The following MCPH1 variants were observed in gnomAD, a reference collection of about 807,000 sequenced individuals.
MCPH1 encodes the protein microcephalin.
In MCPH1, 104 loss-of-function variants were observed where a neutral mutation model predicts 84.5. The ratio of observed to expected loss-of-function variants is 1.23; its 90% confidence interval spans 1.05 to 1.45. The LOEUF (loss-of-function observed/expected upper bound fraction) is 1.45, where lower values mean the gene tolerates loss of function less well. Ranked by LOEUF, MCPH1 falls within the 40% of genes most tolerant of loss-of-function variation. The pLI is 0.00. For synonymous variants in MCPH1, 514 were observed against 366.8 expected, an observed-to-expected ratio of 1.40 and a Z score of -4.58; for missense variants, 1,498 against 1,005.7, an observed-to-expected ratio of 1.49 and a Z score of -6.62.
intron 9 of MCPH1, among the ~76,000 whole-genome samples, chr8:6,460,501 C>G (rs945242659): frequency 8.5e-5 from 13 of 152,080 alleles, no homozygotes; most frequent in Non-Finnish European, 1.3e-4. Context: ...CAGGCGGGAG[C>G]CTTCATGCCC....
intron 12 of MCPH1, chr8:6,513,797 A>G: frequency 6.2e-7 from 1 of 1,614,024 alleles, no homozygotes; most frequent in Non-Finnish European, 8.5e-7. Flanking sequence ...TCAGTTGCGA[A>G]ACAAACTCAT....
At chr8:6,507,087 G>A (rs1813892790) in intron 12 of MCPH1, among the ~76,000 whole-genome samples, 2 of 151,966 alleles carry the variant, frequency 1.3e-5, no homozygotes, top group Admixed American at 6.6e-5. Context: ...TAGTAGAGAT[G>A]GGGTTTTGCC....
chr8:6,522,291 C>T (rs1479073202), intron 12 of MCPH1, among the ~76,000 whole-genome samples: 1 of 151,398 alleles, frequency 6.6e-6, no homozygotes, highest in Admixed American at 6.6e-5. Flanking sequence ...GGAGGCGGAG[C>T]TTGCAGTGAG....
intron 2 of MCPH1, among the ~76,000 whole-genome samples, chr8:6,410,135 A>G (rs935869564): frequency 1.3e-5 from 2 of 151,612 alleles, no homozygotes; most frequent in African/African-American, 4.8e-5. Context: ...ATGCCTAGCT[A>G]ATTTTTTTTT....
chr8:6,421,608 T>G (rs983463006), intron 3 of MCPH1, among the ~76,000 whole-genome samples: 18 of 152,224 alleles, frequency 1.2e-4, no homozygotes, highest in Non-Finnish European at 2.6e-4. Flanking sequence ...TCAATTTTAG[T>G]ATCCATAAAT....
intron 9 of MCPH1, chr8:6,473,771 C>A (rs1699505773): frequency 1.1e-6 from 1 of 885,144 alleles, no homozygotes; most frequent in Non-Finnish European, 1.6e-6. Context: ...GTTCCTGATA[C>A]TTAAACAATT....
intron 2 of MCPH1, among the ~76,000 whole-genome samples, chr8:6,413,230 A>G (rs550788170): frequency 6.8e-6 from 1 of 147,608 alleles, no homozygotes; most frequent in African/African-American, 2.5e-5. Flanking sequence ...TGTTTTCTCA[A>G]TTCCAGACTG....
chr8:6,456,060 A>G (rs934208865), intron 9 of MCPH1, among the ~76,000 whole-genome samples: 2 of 152,310 alleles, frequency 1.3e-5, no homozygotes, highest in African/African-American at 2.4e-5. Context: ...TATCTTGGCA[A>G]TGGTTAAAAG....
At chr8:6,450,225 T>C (rs1422307361) in intron 8 of MCPH1, among the ~76,000 whole-genome samples, 2 of 152,174 alleles carry the variant, frequency 1.3e-5, no homozygotes, top group African/African-American at 4.8e-5. Flanking sequence ...CCAGATCTTG[T>C]TGAAGGCAAG....
intron 12 of MCPH1, among the ~76,000 whole-genome samples, chr8:6,527,989 G>A (rs1023610166): frequency 1.3e-5 from 2 of 148,506 alleles, no homozygotes; most frequent in Admixed American, 1.4e-4. Context: ...TCCGCCTCCC[G>A]GGTTCAAGCA....
chr8:6,425,046 G>A (rs1166283603), intron 3 of MCPH1, among the ~76,000 whole-genome samples: 1 of 152,224 alleles, frequency 6.6e-6, no homozygotes, highest in Non-Finnish European at 1.5e-5. Flanking sequence ...AAGAATGCAG[G>A]ATTGGCCCAG....
At chr8:6,476,301 C>T (rs1209739154) in intron 9 of MCPH1, among the ~76,000 whole-genome samples, 3 of 151,738 alleles carry the variant, frequency 2.0e-5, no homozygotes, top group East Asian at 1.9e-4. Context: ...TGGTAGTGGG[C>T]GCCTGTGATC....
chr8:6,632,284 G>C (rs766932192), intron 13 of MCPH1, among the ~76,000 whole-genome samples: 7 of 152,298 alleles, frequency 4.6e-5, no homozygotes, highest in South Asian at 2.1e-4. Context: ...ACAGCATTGC[G>C]AATGTACTTC....
chr8:6,505,252 T>TAAC (rs1813129879), intron 12 of MCPH1, among the ~76,000 whole-genome samples: 7 of 31,006 alleles, frequency 2.3e-4, no homozygotes, highest in East Asian at 3.1e-3. Flanking sequence ...ATATATTCTT[T>TAAC]ATATATGTTT....
intron 11 of MCPH1, among the ~76,000 whole-genome samples, chr8:6,483,299 C>G (rs1018587973): frequency 6.6e-6 from 1 of 152,156 alleles, no homozygotes; most frequent in Admixed American, 6.5e-5. Flanking sequence ...TCTCAGTGGA[C>G]TCTTTCAAGA....
chr8:6,442,103 G>T lies in MCPH1; in HGVS notation c.617G>T (p.Ser206Ile). ...QMIQQSHDNP[S>I]NSLCEAPLNI... ...ATTCAGCAGTCTCATGATAATCCAA[G>T]TAACTCTCTGTGTGAAGCACCTTTG... The change falls in exon 7 of 14, where the codon AGT becomes ATT. Residue 206 changes from serine (S) to isoleucine (I), a missense_variant. Transcript: ENST00000344683. The T allele has an allele frequency of 6.2e-7, 1 of 1,613,712 alleles. No individual in the cohort carries two copies. The highest frequency in any genetic ancestry group is 8.5e-7 in the Non-Finnish European group (1 of 1,179,690).
intron 4 of MCPH1, among the ~76,000 whole-genome samples, 182 bp downstream of exon 4, chr8:6,431,768 C>T (rs905633332): frequency 1.3e-5 from 2 of 152,154 alleles, no homozygotes; most frequent in Non-Finnish European, 2.9e-5. Flanking sequence ...TATCCTATGA[C>T]TTCTTCGATA....
chr8:6,567,821 C>T (rs1413811114), intron 12 of MCPH1, among the ~76,000 whole-genome samples: 1 of 152,158 alleles, frequency 6.6e-6, no homozygotes, highest in Non-Finnish European at 1.5e-5. Context: ...GGTGTTCCTC[C>T]CTGCTGTACT....
chr8:6,579,283 G>C (rs1473363199), intron 12 of MCPH1, among the ~76,000 whole-genome samples: 1 of 152,148 alleles, frequency 6.6e-6, no homozygotes. Flanking sequence ...GCGTGAGTTC[G>C]CCCCCTTTCC....
Sources: gnomAD v4.1 joint callset for allele counts (sites outside exome capture counted in the v4.1 genomes callset) on GRCh38, gnomAD v4.1.1 for gene constraint, MANE v1.5 for transcripts, NCBI Gene and HGNC (gene_info 2026-07-23, HGNC 2026-07-21) for gene names.